The following GHR variants were observed in gnomAD, a reference collection of about 807,000 sequenced individuals.
GHR encodes the protein growth hormone receptor.
GHR carries 35 observed loss-of-function variants against 67.1 expected under a neutral mutation model. The observed-to-expected ratio is 0.52, with a 90% CI of 0.40 to 0.69. The LOEUF is 0.69. Ranked by LOEUF, GHR falls within the 30% of genes least tolerant of loss-of-function variation. The pLI is 0.00. For synonymous variants in GHR, 272 were observed against 269.1 expected (o/e 1.01, Z -0.10); for missense variants, 792 against 764.6 (o/e 1.04, Z -0.42).
intron 1 of GHR, among the ~76,000 whole-genome samples, chr5:42,547,511 T>C (rs1748793218): frequency 6.6e-6 from 1 of 152,190 alleles, no homozygotes; most frequent in Admixed American, 6.5e-5. Context: ...TGTAATTCAC[T>C]AAATGTTTAG....
At chr5:42,704,929 GATTGGT>G (rs1323131466) in intron 6 of GHR, among the ~76,000 whole-genome samples, 1,894 of 151,728 alleles carry the variant, frequency 0.012, 36 homozygotes, top group African/African-American at 0.043. Context: ...TCTAGCTAAA[GATTGGT>G]TGATTTTGTT....
chr5:42,444,188 A>G (rs906852451), intron 1 of GHR, among the ~76,000 whole-genome samples: 1 of 152,186 alleles, frequency 6.6e-6, no homozygotes, highest in African/African-American at 2.4e-5. Context: ...TTATACTACA[A>G]GTTTGGTTTT....
chr5:42,477,226 G>A (rs1184002124), intron 1 of GHR, among the ~76,000 whole-genome samples: 2 of 151,892 alleles, frequency 1.3e-5, no homozygotes, highest in Non-Finnish European at 2.9e-5. Flanking sequence ...CATTTTTATG[G>A]CTGCATAGTA....
At chr5:42,448,276 TAATG>T (rs903907789) in intron 1 of GHR, among the ~76,000 whole-genome samples, 3 of 152,158 alleles carry the variant, frequency 2.0e-5, no homozygotes, top group African/African-American at 4.8e-5. Flanking sequence ...TATTTTTTAA[TAATG>T]GCCATTCTTG....
At chr5:42,615,597 C>T (rs1056276085) in intron 2 of GHR, among the ~76,000 whole-genome samples, 12 of 146,138 alleles carry the variant, frequency 8.2e-5, no homozygotes, top group African/African-American at 3.2e-4. Context: ...TATTTTCAAA[C>T]AGTATGGATG....
intron 1 of GHR, among the ~76,000 whole-genome samples, chr5:42,435,292 C>CT (rs921210369): frequency 6.6e-6 from 1 of 152,160 alleles, no homozygotes; most frequent in Non-Finnish European, 1.5e-5. Flanking sequence ...TTTGACTTCT[C>CT]TGTCAACGTG....
At chr5:42,616,138 A>G (rs533723502) in intron 2 of GHR, among the ~76,000 whole-genome samples, 1 of 152,208 alleles carries the variant, frequency 6.6e-6, no homozygotes, top group East Asian at 1.9e-4. Flanking sequence ...GGAAGCCACT[A>G]GAGAATTTTA....
chr5:42,601,147 G>C (rs896896501), intron 2 of GHR, among the ~76,000 whole-genome samples: 5 of 151,746 alleles, frequency 3.3e-5, no homozygotes, highest in African/African-American at 1.2e-4. Context: ...GGCTTGTCTT[G>C]AATTCCCGAC....
At position 42,670,881 on chromosome 5, in the gene GHR, AT is replaced by A. The variant is rs1352279133; in HGVS notation, c.137-18008del. On this transcript the variant is annotated intron_variant, in intron 3 of 9. Coordinates refer to ENST00000230882, the MANE Select transcript of GHR (RefSeq NM_000163.5). The stretch of plus-strand genomic sequence containing the variant: ...AGCAAAAATTAAAAAAAAAAAAAAA[AT>A]ATATATATATATATAGGCAACAAAC... Among the ~76,000 whole-genome samples the A allele has an allele frequency of 1.4e-3, 32 of 22,446 alleles. 1 individual carries two copies. Among genetic ancestry groups the A allele is most frequent in the Admixed American group, 4.2e-3 (8 of 1,892 alleles). The allele number at this position is 22,446 out of a possible 152,430, so 14.7% of individuals were successfully genotyped here.
rs533676536 is a variant in GHR, at chr5:42,451,505, G to C, written c.-12+27550G>C. On this transcript the variant is annotated intron_variant, in intron 1 of 9. Transcript: ENST00000230882. ...ACCTGTAATCCCAGCACTTTGGGAG[G>C]CCAAGATGGGCAGATCACAAGGTCA... is the stretch of plus-strand genomic sequence containing the variant. Among the ~76,000 whole-genome samples, 27 of 151,852 alleles carry C rather than the reference G, an allele frequency of 1.8e-4. 1 individual carries two copies. In the East Asian group the frequency reaches 5.0e-3, roughly 28 times the overall value.
At chr5:42,475,588 A>AT (rs577019409) in intron 1 of GHR, among the ~76,000 whole-genome samples, 29,938 of 145,104 alleles carry the variant, frequency 0.21, 3,114 homozygotes, top group Middle Eastern at 0.29. Flanking sequence ...GTAATTATGT[A>AT]TTTTTTTTTT....
intron 1 of GHR, among the ~76,000 whole-genome samples, chr5:42,463,750 T>C (rs1402522319): frequency 6.6e-6 from 1 of 151,810 alleles, no homozygotes; most frequent in East Asian, 1.9e-4. Flanking sequence ...TCCCAGCACT[T>C]TGGGAGGCCG....
chr5:42,627,907 C>A (rs1753784492), intron 2 of GHR, among the ~76,000 whole-genome samples: 1 of 152,186 alleles, frequency 6.6e-6, no homozygotes, highest in African/African-American at 2.4e-5. Flanking sequence ...AAAAACAGAT[C>A]ATACAGGGGC....
chr5:42,678,812 C>G (rs75373745), intron 3 of GHR, among the ~76,000 whole-genome samples: 2,647 of 151,834 alleles, frequency 0.017, 139 homozygotes, highest in South Asian at 0.15. Context: ...TTGCAAGCAG[C>G]ATCATTTATA....
chr5:42,479,964 T>C (rs1745540403), intron 1 of GHR, among the ~76,000 whole-genome samples: 2 of 152,204 alleles, frequency 1.3e-5, no homozygotes, highest in South Asian at 4.1e-4. Flanking sequence ...TTCTAGTTCT[T>C]TTAATTGTGA....
At chr5:42,479,482 C>T (rs1443069996) in intron 1 of GHR, among the ~76,000 whole-genome samples, 2 of 152,148 alleles carry the variant, frequency 1.3e-5, no homozygotes, top group African/African-American at 2.4e-5. Flanking sequence ...CCTTGTACCT[C>T]TGGTAGAATT....
chr5:42,694,689 C>A (rs997386171), intron 4 of GHR, among the ~76,000 whole-genome samples: 8 of 152,134 alleles, frequency 5.3e-5, no homozygotes, highest in African/African-American at 1.7e-4. Flanking sequence ...ATTCAATAAA[C>A]GGAAGTTTTA....
intron 1 of GHR, among the ~76,000 whole-genome samples, chr5:42,532,352 A>G (rs1346862828): frequency 3.0e-5 from 3 of 99,320 alleles, no homozygotes; most frequent in African/African-American, 1.1e-4. Context: ...TATAGATGAT[A>G]GATAGATAGA....
chr5:42,546,839 GA>G lies in GHR; in HGVS notation c.-11-19024del, dbSNP rs1384708423. On this transcript the variant is annotated intron_variant, in intron 1 of 9. Coordinates refer to ENST00000230882, the MANE Select transcript of GHR (RefSeq NM_000163.5). ...GGAAATGGTGGCTAGTAACAGTAGT[GA>G]GGATAAAGGGGGATGGAATGGACTC... Among the ~76,000 whole-genome samples the G allele has an allele frequency of 2.0e-5, 3 of 152,238 alleles. No individual in the cohort carries two copies. In the East Asian group the frequency reaches 5.8e-4, roughly 30 times the overall value.
Sources: gnomAD v4.1 joint callset for allele counts (sites outside exome capture counted in the v4.1 genomes callset) on GRCh38, gnomAD v4.1.1 for gene constraint, MANE v1.5 for transcripts, NCBI Gene and HGNC (gene_info 2026-07-23, HGNC 2026-07-21) for gene names.